NRXN3: variants seen among roughly 807,000 people sequenced by gnomAD.
NRXN3 encodes neurexin III.
NRXN3 carries 32 observed loss-of-function variants against 137.6 expected under a neutral mutation model. The ratio of observed to expected loss-of-function variants is 0.23; its 90% confidence interval spans 0.18 to 0.31. The LOEUF (loss-of-function observed/expected upper bound fraction) is 0.31. NRXN3 is among the 10% of genes least tolerant of loss of function. NRXN3 has a pLI of 1.00. For missense variants in NRXN3, 1,574 were observed against 2,062.5 expected, an observed-to-expected ratio of 0.76 and a Z score of 4.59; for synonymous variants, 798 against 784.5, an observed-to-expected ratio of 1.02 and a Z score of -0.29.
At chr14:78,976,419 T>C (rs1598126066) in intron 14 of NRXN3, among the ~76,000 whole-genome samples, 1 of 152,272 alleles carries the variant, frequency 6.6e-6, no homozygotes, top group East Asian at 1.9e-4. Flanking sequence ...AGTCAATCAA[T>C]GTATTGGGTT....
chr14:78,441,643 C>CAT (rs1474307297), intron 4 of NRXN3, among the ~76,000 whole-genome samples: 17 of 151,862 alleles, frequency 1.1e-4, no homozygotes, highest in South Asian at 2.1e-4. Flanking sequence ...ATGGTGGTTC[C>CAT]CCCAAAAGAT....
chr14:79,456,742 AGAGAG>A lies in NRXN3; in HGVS notation c.3263-10456_3263-10452del, dbSNP rs368005429. ...CTCTGTCAAAAGAAAAGAAAGGAGAAGAGAGGAGAGGAGAGGAGAGGAGAGGAAGA... is the reference window on the plus strand; with the variant it reads ...CTCTGTCAAAAGAAAAGAAAGGAGAAGAGAGGAGAGGAGAGGAGAGGAAGA... On this transcript the variant is annotated intron_variant, in intron 15 of 20. Transcript: ENST00000335750. 4.5e-3 allele frequency among the ~76,000 whole-genome samples: 691 copies of A among 151,934 alleles called. 5 individuals carry two copies. The highest frequency in any genetic ancestry group is 0.036 in the East Asian group (184 of 5,158).
chr14:78,387,317 G>A (rs1272696636), intron 4 of NRXN3, among the ~76,000 whole-genome samples: 1 of 152,078 alleles, frequency 6.6e-6, no homozygotes, highest in Non-Finnish European at 1.5e-5. Context: ...TCTTTTTTGA[G>A]TTATGCTGGG....
At chr14:78,661,091 C>G (rs1048539777) in intron 6 of NRXN3, among the ~76,000 whole-genome samples, 1 of 152,148 alleles carries the variant, frequency 6.6e-6, no homozygotes, top group African/African-American at 2.4e-5. Flanking sequence ...AAAGACTAGA[C>G]AATTGAAAAA....
chr14:79,242,547 A>G (rs1199658250), intron 15 of NRXN3, among the ~76,000 whole-genome samples: 1 of 152,152 alleles, frequency 6.6e-6, no homozygotes, highest in Non-Finnish European at 1.5e-5. Context: ...CCCTGGACCT[A>G]AAGCTGCAGT....
intron 4 of NRXN3, among the ~76,000 whole-genome samples, chr14:78,481,991 G>A (rs547894231): frequency 6.6e-6 from 1 of 152,260 alleles, no homozygotes; most frequent in African/African-American, 2.4e-5. Flanking sequence ...AGATGATAAA[G>A]GGATTCCTTA....
intron 6 of NRXN3, among the ~76,000 whole-genome samples, chr14:78,702,451 C>CTTTTCTT (rs151197180): frequency 4.1e-5 from 5 of 122,712 alleles, no homozygotes; most frequent in African/African-American, 1.2e-4. Flanking sequence ...TTTTTCTTTT[C>CTTTTCTT]TTATTTTTTT....
intron 17 of NRXN3, among the ~76,000 whole-genome samples, chr14:79,690,080 C>G (rs183051961): frequency 1.7e-4 from 26 of 152,284 alleles, no homozygotes; most frequent in Admixed American, 4.6e-4. Flanking sequence ...CAAGGCAGAT[C>G]TGGCGCAAGC....
chr14:79,543,144 G>A (rs2097289363), intron 16 of NRXN3, among the ~76,000 whole-genome samples: 1 of 152,146 alleles, frequency 6.6e-6, no homozygotes, highest in Admixed American at 6.6e-5. Context: ...GGCAAGCACT[G>A]GGATATCTAT....
At chr14:79,515,267 C>A (rs938410183) in intron 16 of NRXN3, among the ~76,000 whole-genome samples, 1 of 150,580 alleles carries the variant, frequency 6.6e-6, no homozygotes, top group East Asian at 1.9e-4. Flanking sequence ...GGCAACCCAG[C>A]GAACCTCACC....
At chr14:79,257,343 C>CTGGTGGTGG (rs577147425) in intron 15 of NRXN3, among the ~76,000 whole-genome samples, 1 of 12,700 alleles carries the variant, frequency 7.9e-5, no homozygotes, top group African/African-American at 3.3e-4. Context: ...TGTCTTATTC[C>CTGGTGGTGG]TGGTGGTGGT....
At chr14:79,731,783 C>T (rs1306029354) in intron 19 of NRXN3, among the ~76,000 whole-genome samples, 1 of 151,566 alleles carries the variant, frequency 6.6e-6, no homozygotes, top group Non-Finnish European at 1.5e-5. Flanking sequence ...TGAGCCCACC[C>T]TCCTTCCTTC....
At chr14:79,523,886 C>G (rs748930033) in intron 16 of NRXN3, among the ~76,000 whole-genome samples, 1 of 152,102 alleles carries the variant, frequency 6.6e-6, no homozygotes, top group South Asian at 2.1e-4. Context: ...AGTGGAAGAC[C>G]CTTCCACTAC....
intron 1 of NRXN3, among the ~76,000 whole-genome samples, chr14:78,237,053 C>T (rs2153447524): frequency 6.6e-6 from 1 of 152,258 alleles, no homozygotes; most frequent in Non-Finnish European, 1.5e-5. Flanking sequence ...AGCCTCTGTC[C>T]ACCTGCAAAA....
chr14:78,323,860 C>A (rs2079706812), intron 4 of NRXN3, among the ~76,000 whole-genome samples: 1 of 151,970 alleles, frequency 6.6e-6, no homozygotes. Flanking sequence ...CAGGAACTAG[C>A]AGGAGAGGTG....
intron 19 of NRXN3, among the ~76,000 whole-genome samples, chr14:79,789,023 A>G (rs966456617): frequency 6.6e-6 from 1 of 152,236 alleles, no homozygotes; most frequent in Non-Finnish European, 1.5e-5. Context: ...GGAGGCATTT[A>G]TAGGGACAAA....
intron 16 of NRXN3, among the ~76,000 whole-genome samples, chr14:79,564,402 A>C (rs2097529306): frequency 6.6e-6 from 1 of 152,136 alleles, no homozygotes; most frequent in Admixed American, 6.6e-5. Context: ...AATGTGCTTT[A>C]TCTAATACCC....
intron 19 of NRXN3, among the ~76,000 whole-genome samples, chr14:79,767,756 CA>C (rs1354655387): frequency 1.2e-4 from 18 of 152,092 alleles, no homozygotes; most frequent in African/African-American, 3.4e-4. Flanking sequence ...AATTAGAAAT[CA>C]GGGGGGAGGA....
At chr14:78,785,672 C>T (rs989028847) in intron 8 of NRXN3, among the ~76,000 whole-genome samples, 1 of 152,278 alleles carries the variant, frequency 6.6e-6, no homozygotes, top group Non-Finnish European at 1.5e-5. Flanking sequence ...TAGTAGCCTG[C>T]GTATGATGCA....
Sources: gnomAD v4.1 joint callset for allele counts (sites outside exome capture counted in the v4.1 genomes callset) on GRCh38, gnomAD v4.1.1 for gene constraint, MANE v1.5 for transcripts, NCBI Gene and HGNC (gene_info 2026-07-23, HGNC 2026-07-21) for gene names.